Variants in CCZ1 observed in about 807,000 individuals in gnomAD.
CCZ1 encodes the protein vacuolar fusion protein CCZ1 homolog.
A neutral mutation model predicts 57.8 loss-of-function variants in CCZ1; 19 were observed. The observed-to-expected ratio is 0.33, with a 90% CI of 0.23 to 0.48. The LOEUF (loss-of-function observed/expected upper bound fraction) is 0.48, where lower values mean the gene tolerates loss of function less well. Ranked by LOEUF, CCZ1 falls within the 20% of genes least tolerant of loss-of-function variation. The pLI is 0.99. For missense variants in CCZ1, 200 were observed against 492.0 expected (o/e 0.41, Z 5.61); for synonymous variants, 81 against 167.0 (o/e 0.49, Z 3.97).
chr7:5,925,919 T>A lies in CCZ1; in HGVS notation c.*232T>A, dbSNP rs1779369535. The A allele has an allele frequency of 1.4e-6, 1 of 718,380 alleles. No individual in the cohort carries two copies. The highest frequency in any genetic ancestry group is 2.9e-5 in the Admixed American group (1 of 34,476). 44.5% of individuals were successfully genotyped at this position (718,380 alleles called of 1,614,324 possible). On this transcript the variant is annotated 3_prime_UTR_variant, in exon 15 of 15. Coordinates refer to ENST00000325974, the MANE Select transcript of CCZ1 (RefSeq NM_015622.6). ...TCGCTATCATTTCATTCTTTTGACA[T>A]TATGTGAATATTTTACTGGAAAATA...
intron 7 of CCZ1, among the ~76,000 whole-genome samples, chr7:5,905,901 CCTT>C (rs1562539549): frequency 2.2e-5 from 1 of 44,734 alleles, no homozygotes; most frequent in Non-Finnish European, 4.1e-5. Context: ...AATTTTTATA[CCTT>C]TTTTTTTTTT....
At chr7:5,910,607 T>A (rs1583186741) in intron 8 of CCZ1, among the ~76,000 whole-genome samples, 1 of 144,524 alleles carries the variant, frequency 6.9e-6, no homozygotes, top group Non-Finnish European at 1.5e-5. Context: ...ATTACAGGCG[T>A]GAGCCACCGC....
At chr7:5,909,527 C>A (rs1348466335) in intron 7 of CCZ1, among the ~76,000 whole-genome samples, 1 of 147,186 alleles carries the variant, frequency 6.8e-6, no homozygotes, top group East Asian at 2.0e-4. Context: ...GTAGCAAGAC[C>A]CCCATCTCTA....
chr7:5,920,466 C>G (rs1485332289), intron 12 of CCZ1, among the ~76,000 whole-genome samples: 5 of 37,302 alleles, frequency 1.3e-4, no homozygotes, highest in Admixed American at 2.7e-4. Context: ...TTCTTTCTCC[C>G]TGGCTTTTTT....
chr7:5,904,734 G>C (rs1196940152), intron 6 of CCZ1, among the ~76,000 whole-genome samples: 4 of 147,544 alleles, frequency 2.7e-5, no homozygotes, highest in African/African-American at 7.7e-5. Context: ...AGGAGGCTGA[G>C]GCAGGAGAAT....
chr7:5,901,399 C>T (rs1283304885), intron 4 of CCZ1: 5 of 371,756 alleles, frequency 1.3e-5, no homozygotes, highest in African/African-American at 4.6e-5. Context: ...GCAGGAGAAT[C>T]GCTTGAACCG....
rs529255948 is a variant in CCZ1, at chr7:5,906,449, A to C, written c.698+1180A>C. ...GCGATTCTCCTGCCTCAGCCTCCCAAGTAGCTGGGATTACAGGCATATGCC... is the reference window on the plus strand; with the variant it reads ...GCGATTCTCCTGCCTCAGCCTCCCACGTAGCTGGGATTACAGGCATATGCC... On this transcript the variant is annotated intron_variant, in intron 7 of 14. Transcript: ENST00000325974. Among the ~76,000 whole-genome samples, 10 of 146,034 alleles carry C rather than the reference A, an allele frequency of 6.8e-5. 2 individuals carry two copies. The highest frequency in any genetic ancestry group is 4.8e-4 in the East Asian group (2 of 4,128).
At chr7:5,916,699 G>A (rs1350672307) in intron 10 of CCZ1, among the ~76,000 whole-genome samples, 2 of 147,746 alleles carry the variant, frequency 1.4e-5, no homozygotes, top group Admixed American at 1.3e-4. Context: ...ATTTGATTGG[G>A]GGTTGGCCAC....
At chr7:5,909,697 CAAA>C (rs147891550) in intron 7 of CCZ1, among the ~76,000 whole-genome samples, 6 of 128,338 alleles carry the variant, frequency 4.7e-5, no homozygotes, top group East Asian at 2.7e-4. Flanking sequence ...GACCTTGTCT[CAAA>C]AAAAAAAAGA....
chr7:5,909,440 A>G (rs1185098629), intron 7 of CCZ1, among the ~76,000 whole-genome samples: 19 of 150,486 alleles, frequency 1.3e-4, no homozygotes, highest in African/African-American at 4.4e-4. Context: ...AGTGGCTCAC[A>G]TATGTAATCC....
chr7:5,906,097 T>C (rs939194619), intron 7 of CCZ1, among the ~76,000 whole-genome samples: 4 of 146,536 alleles, frequency 2.7e-5, no homozygotes, highest in African/African-American at 5.1e-5. Flanking sequence ...CAAAGTGTTA[T>C]ATAAACCAGG....
chr7:5,901,753 T>C (rs1324296870), intron 5 of CCZ1, 49 bp downstream of exon 5: 1 of 1,590,882 alleles, frequency 6.3e-7, no homozygotes, highest in Admixed American at 1.7e-5. Flanking sequence ...CTTACCCCTA[T>C]CTCTAGGCTC....
chr7:5,926,374 T>TTTC lies in CCZ1; in HGVS notation c.*696_*698dup, dbSNP rs573685130. ...TGTGTGTCCTCGTGTCTCTCTACTT[T>TTTC]TTCTTCTTCTTGCTGGTGATGGTCT... is the stretch of plus-strand genomic sequence containing the variant. On this transcript the variant is annotated 3_prime_UTR_variant, in exon 15 of 15. Transcript: ENST00000325974. 6.9e-7 allele frequency: 1 copy of TTTC among 1,450,958 alleles called. No individual in the cohort carries two copies. 89.9% of individuals were successfully genotyped at this position (1,450,958 alleles called of 1,614,324 possible).
At chr7:5,909,934 T>C (rs1781930023) in intron 7 of CCZ1, 101 bp from the exon 8 acceptor site, 2 of 864,356 alleles carry the variant, frequency 2.3e-6, no homozygotes, top group Non-Finnish European at 1.8e-6. Context: ...TTACTAAAAA[T>C]GACTTGAAAA....
intron 6 of CCZ1, among the ~76,000 whole-genome samples, chr7:5,902,973 G>A (rs1011634757): frequency 1.3e-5 from 2 of 148,334 alleles, no homozygotes; most frequent in African/African-American, 2.5e-5. Flanking sequence ...GCGTTTGCCC[G>A]GGGCTCTTAA....
At position 5,901,702 on chromosome 7, in the gene CCZ1, A is replaced by C. The variant is rs1472220580; in HGVS notation, c.436A>C (p.Lys146Gln). ...SVLRQCYSMY[K>Q]LFNGTFLKAM... ...GCTGCGGCAGTGCTACAGCATGTAC[A>C]AGGTAAGCGTGGCGTTCTTTCTCAA... is the stretch of plus-strand genomic sequence containing the variant. The change falls in exon 5 of 15, where the codon AAG (lysine) becomes CAG (glutamine). Residue 146 changes from lysine to glutamine, a missense_variant and splice_region_variant. Transcript: ENST00000325974. 2 of 1,598,688 alleles carry C rather than the reference A, an allele frequency of 1.3e-6. No homozygotes were observed. The highest frequency in any genetic ancestry group is 1.7e-6 in the Non-Finnish European group (2 of 1,176,710).
chr7:5,924,310 C>T (rs1404245801), intron 14 of CCZ1, among the ~76,000 whole-genome samples: 6 of 83,990 alleles, frequency 7.1e-5, no homozygotes, highest in African/African-American at 2.7e-4. Flanking sequence ...CCACAGCCCC[C>T]AACTCCTAGG....
At position 5,910,115 on chromosome 7, in the gene CCZ1, A is replaced by C. The variant is rs1368319574; in HGVS notation, c.779A>C (p.Glu260Ala). The C allele has an allele frequency of 1.1e-5, 17 of 1,581,758 alleles. No homozygotes were observed. The highest frequency in any genetic ancestry group is 1.4e-5 in the Non-Finnish European group (16 of 1,155,678). ...CTTTTTCCAAGGCACATCGAACCTGAGGTATGATGGGTACCATAGCTGCGC... is the reference window on the plus strand; with the variant it reads ...CTTTTTCCAAGGCACATCGAACCTGCGGTATGATGGGTACCATAGCTGCGC... ...TSLFPRHIEP[E>A]LAGRDSPIRA... is the part of the protein sequence containing the mutation. Residue 260 changes from glutamate to alanine, a missense_variant and splice_region_variant, in exon 8 of 15, where the codon GAG becomes GCG. Coordinates refer to ENST00000325974, the MANE Select transcript of CCZ1 (RefSeq NM_015622.6).
chr7:5,910,917 G>T (rs563560065), intron 8 of CCZ1, among the ~76,000 whole-genome samples: 10 of 146,254 alleles, frequency 6.8e-5, no homozygotes, highest in African/African-American at 2.3e-4. Context: ...TATATTTTTA[G>T]TAGAGACGGA....
Sources: allele counts gnomAD v4.1 joint callset (sites outside exome capture counted in the v4.1 genomes callset), GRCh38; gene constraint gnomAD v4.1.1; transcripts MANE v1.5; gene names NCBI Gene and HGNC (gene_info 2026-07-23, HGNC 2026-07-21).